The following ZNF627 variants were observed in gnomAD, a reference collection of about 807,000 sequenced individuals.
ZNF627 encodes the protein zinc finger protein 627.
ZNF627 carries 12 observed loss-of-function variants against 10.6 expected under a neutral mutation model. The ratio of observed to expected loss-of-function variants is 1.13; its 90% confidence interval spans 0.73 to 1.84. The LOEUF (loss-of-function observed/expected upper bound fraction) is 1.84. Ranked by LOEUF, ZNF627 falls within the 40% of genes most tolerant of loss-of-function variation. The probability of loss-of-function intolerance (pLI) is 0.00; values close to 1 mark genes in which losing one functional copy is unlikely to be tolerated. For synonymous variants in ZNF627, 176 were observed against 187.1 expected (o/e 0.94, Z 0.48); for missense variants, 504 against 568.4 (o/e 0.89, Z 1.15).
At chr19:11,601,898 C>T (rs746644154) in intron 1 of ZNF627, among the ~76,000 whole-genome samples, 15 of 148,882 alleles carry the variant, frequency 1.0e-4, no homozygotes, top group South Asian at 2.1e-4. Context: ...CCCAACTACT[C>T]GGGAGGCTGA....
intron 1 of ZNF627, among the ~76,000 whole-genome samples, chr19:11,612,231 T>C (rs199784347): frequency 3.3e-5 from 5 of 149,740 alleles, no homozygotes; most frequent in African/African-American, 9.8e-5. Context: ...CGCCATTCTC[T>C]TGCCTCAGCC....
chr19:11,614,512 T>G lies in ZNF627; in HGVS notation c.4-15T>G, dbSNP rs1973832237. ...TGTCTCAACCTTCCTCCTCCACACATGGGGGATGTTTCAGGATTCAGTGGC... is the reference window on the plus strand; with the variant it reads ...TGTCTCAACCTTCCTCCTCCACACAGGGGGGATGTTTCAGGATTCAGTGGC... On this transcript the variant is annotated splice_polypyrimidine_tract_variant and intron_variant, in intron 1 of 3. Transcript: ENST00000361113. 6.2e-7 allele frequency: 1 copy of G among 1,613,542 alleles called. No individual in the cohort carries two copies. Among genetic ancestry groups the G allele is most frequent in the Non-Finnish European group, 8.5e-7 (1 of 1,179,900 alleles).
chr19:11,603,640 T>A (rs1257763859), intron 1 of ZNF627, among the ~76,000 whole-genome samples: 2 of 152,050 alleles, frequency 1.3e-5, no homozygotes, highest in African/African-American at 4.8e-5. Flanking sequence ...TTATATTGTA[T>A]GCCATCTGTC....
At chr19:11,606,130 A>G (rs1441784715) in intron 1 of ZNF627, among the ~76,000 whole-genome samples, 1 of 152,136 alleles carries the variant, frequency 6.6e-6, no homozygotes, top group Admixed American at 6.6e-5. Context: ...TCATGAGGTC[A>G]GGAGATCAAG....
At chr19:11,616,632 T>G in intron 3 of ZNF627, 63 bp from the exon 4 acceptor site, 1 of 1,128,982 alleles carries the variant, frequency 8.9e-7, no homozygotes, top group South Asian at 1.7e-5. Flanking sequence ...TAATACCTAT[T>G]AATAAATATA....
chr19:11,617,195 C>G lies in ZNF627; in HGVS notation c.692C>G (p.Ala231Gly), dbSNP rs757659845. The G allele has an allele frequency of 3.1e-6, 5 of 1,613,678 alleles. No individual in the cohort carries two copies. The African/African-American group carries it at 5.3e-5, about 17-fold the overall frequency. Residue 231 changes from alanine to glycine, a missense_variant, in exon 4 of 4, where the codon GCC (alanine) becomes GGC (glycine). By Grantham distance (60) the Ala-to-Gly change is moderately conservative. Coordinates refer to ENST00000361113, the MANE Select transcript of ZNF627 (RefSeq NM_145295.4). ...KPYECKQCGK[A>G]FSCSSYIRIH... is the part of the protein sequence containing the mutation. ...TATGAATGCAAGCAATGTGGGAAAG[C>G]CTTCAGTTGTTCCAGTTACATTAGA...
At chr19:11,607,185 G>A (rs1476480925) in intron 1 of ZNF627, among the ~76,000 whole-genome samples, 2 of 152,068 alleles carry the variant, frequency 1.3e-5, no homozygotes, top group African/African-American at 4.8e-5. Context: ...TGCCCAGGCT[G>A]GAGTGCAATG....
At chr19:11,597,680 G>A in intron 1 of ZNF627, 50 bp downstream of exon 1, 1 of 1,328,384 alleles carries the variant, frequency 7.5e-7, no homozygotes, top group Non-Finnish European at 9.7e-7. Flanking sequence ...GGGCTGGTTG[G>A]AACCGGCCGG....
Position 11,617,930 on chromosome 19 carries a change from A to T in ZNF627, c.*41A>T. 1 of 1,464,610 alleles carries T rather than the reference A, an allele frequency of 6.8e-7. No individual in the cohort carries two copies. The highest frequency in any genetic ancestry group is 9.0e-7 in the Non-Finnish European group (1 of 1,107,018). The allele number at this position is 1,464,610 out of a possible 1,614,324, so 90.7% of individuals were successfully genotyped here. ...CATAGAGAAACCCCATGAAAGTAAG[A>T]AATTTGGGAAAGCCTTCAGTCCTTT... is the stretch of plus-strand genomic sequence containing the variant. On this transcript the variant is annotated 3_prime_UTR_variant, in exon 4 of 4. Transcript: ENST00000361113.
At chr19:11,616,658 A>G (rs180872784) in intron 3 of ZNF627, 37 bp from the exon 4 acceptor site, 35 of 1,367,290 alleles carry the variant, frequency 2.6e-5, no homozygotes, top group Middle Eastern at 2.0e-4. Context: ...ATTTATAAAC[A>G]AAACATTAAT....
intron 1 of ZNF627, among the ~76,000 whole-genome samples, chr19:11,607,404 G>T (rs918145771): frequency 2.6e-5 from 4 of 152,042 alleles, no homozygotes; most frequent in Non-Finnish European, 2.9e-5. Flanking sequence ...CCAAGGTGCT[G>T]GATTACAGGC....
At chr19:11,605,096 T>G (rs1446237493) in intron 1 of ZNF627, among the ~76,000 whole-genome samples, 1 of 145,682 alleles carries the variant, frequency 6.9e-6, no homozygotes, top group Non-Finnish European at 1.5e-5. Context: ...TTTTTTTTTT[T>G]TTTTTGAGAT....
intron 1 of ZNF627, among the ~76,000 whole-genome samples, chr19:11,605,845 A>G (rs1425417837): frequency 1.3e-5 from 2 of 152,160 alleles, no homozygotes; most frequent in Non-Finnish European, 2.9e-5. Flanking sequence ...ACTCAAAAGT[A>G]CAAGTCCAAA....
Position 11,607,715 on chromosome 19 carries a change from C to T in ZNF627, c.4-6812C>T, listed in dbSNP as rs992310093. On this transcript the variant is annotated intron_variant, in intron 1 of 3. Transcript: ENST00000361113. ...ACTTTATTGTCCATATCACTACCAG[C>T]ATTTTGGTCAGAGCTATCCAAGGAG... Among the ~76,000 whole-genome samples the T allele has an allele frequency of 7.2e-5, 11 of 152,192 alleles. 1 individual carries two copies. The highest frequency in any genetic ancestry group is 7.2e-4 in the Admixed American group (11 of 15,270).
chr19:11,606,584 C>T (rs1418567053), intron 1 of ZNF627, among the ~76,000 whole-genome samples: 1 of 152,124 alleles, frequency 6.6e-6, no homozygotes, highest in Non-Finnish European at 1.5e-5. Flanking sequence ...GTGGCCCTCT[C>T]CTCACAGCTC....
At chr19:11,612,274 C>T (rs1229085453) in intron 1 of ZNF627, among the ~76,000 whole-genome samples, 1 of 151,730 alleles carries the variant, frequency 6.6e-6, no homozygotes, top group African/African-American at 2.4e-5. Flanking sequence ...GCGTCCGCCA[C>T]CACGCCCGGC....
intron 1 of ZNF627, among the ~76,000 whole-genome samples, chr19:11,608,196 A>G (rs945872022): frequency 1.1e-4 from 16 of 152,178 alleles, no homozygotes; most frequent in Admixed American, 9.8e-4. Context: ...TGAGAACAGC[A>G]TGGAGGGAAA....
At chr19:11,599,958 G>A (rs575515025) in intron 1 of ZNF627, among the ~76,000 whole-genome samples, 3 of 152,044 alleles carry the variant, frequency 2.0e-5, no homozygotes, top group Non-Finnish European at 4.4e-5. Context: ...CCAGGTTAGC[G>A]CAGCCCCTTC....
Position 11,607,057 on chromosome 19 carries a change from G to C in ZNF627, c.4-7470G>C, listed in dbSNP as rs1010145364. Among the ~76,000 whole-genome samples the C allele has an allele frequency of 2.6e-5, 4 of 152,138 alleles. 1 individual carries two copies. The highest frequency in any genetic ancestry group is 1.3e-4 in the Admixed American group (2 of 15,264). ...CTGGAGACATTTTCTCCATTGTCTT[G>C]GTGATTAACATTTGGCTTCTCGTTA... On this transcript the variant is annotated intron_variant, in intron 1 of 3. Transcript: ENST00000361113.
Sources: allele counts gnomAD v4.1 joint callset (sites outside exome capture counted in the v4.1 genomes callset), GRCh38; gene constraint gnomAD v4.1.1; transcripts MANE v1.5; gene names NCBI Gene and HGNC (gene_info 2026-07-23, HGNC 2026-07-21).